MGAT4C: variants seen among roughly 807,000 people sequenced by gnomAD.
The protein encoded by MGAT4C is MGAT4 family member C.
A neutral mutation model predicts 40.1 loss-of-function variants in MGAT4C; 19 were observed. The ratio of observed to expected loss-of-function variants is 0.47; its 90% confidence interval spans 0.33 to 0.70. The LOEUF is 0.70. MGAT4C is among the 30% of genes least tolerant of loss of function. The pLI, the probability that MGAT4C is intolerant of heterozygous loss-of-function variation, is 0.02. For missense variants in MGAT4C, 491 were observed against 563.2 expected (o/e 0.87, Z 1.30); for synonymous variants, 181 against 187.1 (o/e 0.97, Z 0.27).
upstream of MGAT4C, among the ~76,000 whole-genome samples, chr12:86,258,580 G>A (rs1952590603): frequency 6.6e-6 from 1 of 151,402 alleles, no homozygotes; most frequent in African/African-American, 2.4e-5. Context: ...TAGGCATTTT[G>A]TATCAATAAC....
intron 1 of MGAT4C, among the ~76,000 whole-genome samples, chr12:86,196,356 C>T (rs189999959): frequency 6.6e-6 from 1 of 152,300 alleles, no homozygotes; most frequent in East Asian, 1.9e-4. Context: ...GGGGTAATAG[C>T]GTCACCTCCC....
At chr12:86,482,072 A>ACACACACACG (rs1299553380) in intron 2 of MGAT4C, among the ~76,000 whole-genome samples, 66 of 149,620 alleles carry the variant, frequency 4.4e-4, no homozygotes, top group African/African-American at 1.4e-3. Flanking sequence ...GTCACTACAC[A>ACACACACACG]CACACACACA....
intron 1 of MGAT4C, among the ~76,000 whole-genome samples, chr12:86,107,312 A>C (rs1323841339): frequency 3.3e-5 from 5 of 152,262 alleles, no homozygotes; most frequent in Admixed American, 3.3e-4. Context: ...TTATGAAGTC[A>C]AAGCCAGTTC....
chr12:86,306,987 G>T (rs940771944), intron 4 of MGAT4C, among the ~76,000 whole-genome samples: 4 of 150,310 alleles, frequency 2.7e-5, no homozygotes, highest in Non-Finnish European at 5.9e-5. Context: ...ATTTTAATAA[G>T]AAAAACTTAC....
intron 1 of MGAT4C, among the ~76,000 whole-genome samples, chr12:86,144,199 G>C (rs1883217675): frequency 6.6e-6 from 1 of 151,994 alleles, no homozygotes; most frequent in African/African-American, 2.4e-5. Flanking sequence ...TATATATCCT[G>C]GTCCCATATC....
At chr12:86,592,263 A>G (rs979651752) in intron 2 of MGAT4C, among the ~76,000 whole-genome samples, 1 of 152,116 alleles carries the variant, frequency 6.6e-6, no homozygotes, top group Admixed American at 6.6e-5. Context: ...GTGATAGAAC[A>G]TAATCCATAT....
intron 1 of MGAT4C, among the ~76,000 whole-genome samples, chr12:86,765,378 A>G (rs974593996): frequency 6.6e-6 from 1 of 152,208 alleles, no homozygotes; most frequent in African/African-American, 2.4e-5. Flanking sequence ...AAAAGACCAA[A>G]TCTACGTCTG....
At chr12:86,023,937 A>G (rs1890015571) in intron 2 of MGAT4C, among the ~76,000 whole-genome samples, 1 of 151,866 alleles carries the variant, frequency 6.6e-6, no homozygotes, top group Non-Finnish European at 1.5e-5. Flanking sequence ...CATAATATGT[A>G]TCAAAAAACC....
At chr12:86,145,394 CAAGAAAAATA>C (rs1173240422) in intron 1 of MGAT4C, among the ~76,000 whole-genome samples, 1 of 151,974 alleles carries the variant, frequency 6.6e-6, no homozygotes, top group African/African-American at 2.4e-5. Context: ...GGCCCTTGTG[CAAGAAAAATA>C]AATTGGGTTG....
chr12:86,605,386 C>T (rs7485159), intron 2 of MGAT4C, among the ~76,000 whole-genome samples: 138,950 of 152,004 alleles, frequency 0.91, 63,849 homozygotes, highest in East Asian at 1. Context: ...GTAGATTTTT[C>T]GATGAGTAAA....
At chr12:86,807,999 T>C (rs1238148470) in intron 1 of MGAT4C, among the ~76,000 whole-genome samples, 2 of 152,094 alleles carry the variant, frequency 1.3e-5, no homozygotes, top group Non-Finnish European at 2.9e-5. Flanking sequence ...TTGTTTAACT[T>C]CCTTGTAGAT....
intron 1 of MGAT4C, among the ~76,000 whole-genome samples, chr12:86,248,213 TC>T (rs577024797): frequency 6.9e-5 from 10 of 145,022 alleles, no homozygotes; most frequent in African/African-American, 2.2e-4. Context: ...CTTCCTTCCT[TC>T]CTTCCTTCCT....
intron 1 of MGAT4C, among the ~76,000 whole-genome samples, chr12:86,776,296 G>A (rs1403855788): frequency 6.6e-6 from 1 of 151,782 alleles, no homozygotes; most frequent in African/African-American, 2.4e-5. Context: ...TTGCATTTGA[G>A]TATTTATAAA....
chr12:86,588,861 A>C (rs1473927412), intron 2 of MGAT4C, among the ~76,000 whole-genome samples: 1 of 151,876 alleles, frequency 6.6e-6, no homozygotes, highest in East Asian at 1.9e-4. Flanking sequence ...CAACGAGAAC[A>C]AAGACACAAC....
chr12:86,213,678 CTT>C (rs1276160334), intron 1 of MGAT4C, among the ~76,000 whole-genome samples: 1 of 152,112 alleles, frequency 6.6e-6, no homozygotes, highest in Non-Finnish European at 1.5e-5. Flanking sequence ...TTATATAAAA[CTT>C]ATATTCAAGA....
intron 2 of MGAT4C, among the ~76,000 whole-genome samples, chr12:86,507,963 T>C (rs1243396131): frequency 6.6e-6 from 1 of 152,120 alleles, no homozygotes; most frequent in African/African-American, 2.4e-5. Flanking sequence ...GACATTGTGA[T>C]AGAGATTACA....
intron 3 of MGAT4C, among the ~76,000 whole-genome samples, chr12:86,342,058 G>C (rs551544851): frequency 5.0e-4 from 76 of 152,114 alleles, no homozygotes; most frequent in Non-Finnish European, 9.1e-4. Flanking sequence ...TTCTCTCTGG[G>C]GGGGACCTCT....
rs112964037 is a variant in MGAT4C, at chr12:86,601,509, T to C, written c.-229+125700A>G. ...TTACCTGTGTCCGGTCTCATCTCCT[T>C]TGAGAGCTGTATGGTCACCTAATAA... On this transcript the variant is annotated intron_variant, in intron 2 of 7. Transcript: ENST00000548651. Among the ~76,000 whole-genome samples the C allele has an allele frequency of 4.5e-4, 68 of 152,206 alleles. 1 individual carries two copies. Among genetic ancestry groups the C allele is most frequent in the African/African-American group, 1.6e-3 (67 of 41,542 alleles).
chr12:86,781,590 A>G (rs1951841322), intron 1 of MGAT4C, among the ~76,000 whole-genome samples: 1 of 152,160 alleles, frequency 6.6e-6, no homozygotes, highest in African/African-American at 2.4e-5. Context: ...CATTTTTATA[A>G]TACTTATTTT....
Sources: gnomAD v4.1 joint callset for allele counts (sites outside exome capture counted in the v4.1 genomes callset) on GRCh38, gnomAD v4.1.1 for gene constraint, MANE v1.5 for transcripts, NCBI Gene and HGNC (gene_info 2026-07-23, HGNC 2026-07-21) for gene names.